CPSF2: variants seen among roughly 807,000 people sequenced by gnomAD.
CPSF2 encodes the protein cleavage and polyadenylation specificity factor subunit 2.
CPSF2 carries 51 observed loss-of-function variants against 84.2 expected under a neutral mutation model. The observed-to-expected ratio is 0.61, with a 90% CI of 0.48 to 0.77. The LOEUF is 0.77. Among genes scored for constraint, CPSF2 ranks in the 30% least tolerant of loss-of-function variants. CPSF2 has a pLI of 0.00. For missense variants in CPSF2, 641 were observed against 929.4 expected (o/e 0.69, Z 4.03); for synonymous variants, 286 against 311.9 (o/e 0.92, Z 0.87).
intron 7 of CPSF2, among the ~76,000 whole-genome samples, chr14:92,138,639 A>G (rs1189474920): frequency 6.6e-6 from 1 of 152,144 alleles, no homozygotes; most frequent in Non-Finnish European, 1.5e-5. Context: ...CATGTTGGCC[A>G]GGCTGGTCTT....
chr14:92,161,560 ATAAAG>A (rs2069372352), intron 15 of CPSF2, 87 bp from the exon 16 acceptor site: 2 of 863,834 alleles, frequency 2.3e-6, no homozygotes, highest in South Asian at 2.0e-5. Flanking sequence ...CTGACCAATC[ATAAAG>A]TAATCTATTT....
At chr14:92,134,955 G>A (rs1595053751) in intron 5 of CPSF2, among the ~76,000 whole-genome samples, 5 of 152,268 alleles carry the variant, frequency 3.3e-5, no homozygotes, top group Admixed American at 3.3e-4. Context: ...TTTTCTGCAG[G>A]ATAAATTCTT....
In CPSF2 at chr14:92,159,106, G is replaced by A; in HGVS notation, c.1945G>A (p.Glu649Lys). ...VSKVDTGVILEEGELKDDGED... is the reference protein window; with the variant it reads ...VSKVDTGVILKEGELKDDGED... ...CAAAGTGGACACAGGGGTTATTTTA[G>A]AAGAAGGAGAACTAAAGGATGATGG... The change falls in exon 14 of 16, where the codon GAA (glutamate) becomes AAA (lysine). Residue 649 changes from glutamate (E) to lysine (K), a missense_variant. By Grantham distance (56) the Glu-to-Lys change is moderately conservative. Transcript: ENST00000298875. The A allele has an allele frequency of 6.2e-7, 1 of 1,614,078 alleles. No individual in the cohort carries two copies. The highest frequency in any genetic ancestry group is 8.5e-7 in the Non-Finnish European group (1 of 1,180,002).
chr14:92,159,627 C>T (rs1406067328), intron 14 of CPSF2, among the ~76,000 whole-genome samples: 1 of 152,150 alleles, frequency 6.6e-6, no homozygotes, highest in African/African-American at 2.4e-5. Flanking sequence ...TTCGAGACTA[C>T]AGTGAGCCAC....
intron 1 of CPSF2, among the ~76,000 whole-genome samples, chr14:92,123,707 GATT>G (rs1313120391): frequency 1.3e-5 from 2 of 152,202 alleles, no homozygotes; most frequent in African/African-American, 2.4e-5. Flanking sequence ...CAACATGCAC[GATT>G]ATTATTAAGA....
At chr14:92,134,528 T>C in intron 5 of CPSF2, among the ~76,000 whole-genome samples, 173 bp downstream of exon 5, 1 of 152,208 alleles carries the variant, frequency 6.6e-6, no homozygotes, top group East Asian at 1.9e-4. Context: ...TTAAAATATT[T>C]CAGAAAAAAT....
intron 10 of CPSF2, among the ~76,000 whole-genome samples, chr14:92,154,768 A>G (rs1595064978): frequency 6.6e-6 from 1 of 152,340 alleles, no homozygotes; most frequent in African/African-American, 2.4e-5. Flanking sequence ...ATTAGGATAT[A>G]TGTTTACACA....
intron 6 of CPSF2, 143 bp downstream of exon 6, chr14:92,135,639 A>C (rs747388084): frequency 1.2e-5 from 9 of 758,530 alleles, no homozygotes; most frequent in Non-Finnish European, 1.7e-5. Flanking sequence ...TGTTTTCAAA[A>C]TTAATTATTT....
intron 9 of CPSF2, among the ~76,000 whole-genome samples, chr14:92,150,960 G>A (rs1250546615): frequency 6.6e-6 from 1 of 152,104 alleles, no homozygotes; most frequent in Admixed American, 6.6e-5. Flanking sequence ...TGATAAGATT[G>A]GTGGTGATAT....
chr14:92,139,327 G>A (rs1049752846), intron 7 of CPSF2, among the ~76,000 whole-genome samples: 4 of 151,878 alleles, frequency 2.6e-5, no homozygotes, highest in Admixed American at 2.6e-4. Flanking sequence ...TGAGGCAGGA[G>A]AATGGCGTAA....
intron 14 of CPSF2, among the ~76,000 whole-genome samples, chr14:92,160,717 G>A (rs1362458416): frequency 6.6e-6 from 1 of 152,166 alleles, no homozygotes; most frequent in African/African-American, 2.4e-5. Flanking sequence ...ATGGGATTGG[G>A]GAGGAAACGT....
At position 92,131,039 on chromosome 14, in the gene CPSF2, C is replaced by G; in HGVS notation, c.55C>G (p.Leu19Val). 6.2e-7 allele frequency: 1 copy of G among 1,612,852 alleles called. No individual in the cohort carries two copies. Among genetic ancestry groups the G allele is most frequent in the Non-Finnish European group, 8.5e-7 (1 of 1,179,432 alleles). The part of the protein sequence containing the change: ...TLSGVQEESA[L>V]CYLLQVDEFR... ...TTCTGGGGTCCAAGAAGAATCTGCCCTTTGCTATCTTCTCCAAGTTGATGA... is the reference window on the plus strand; with the variant it reads ...TTCTGGGGTCCAAGAAGAATCTGCCGTTTGCTATCTTCTCCAAGTTGATGA... The change falls in exon 3 of 16, where the codon CTT becomes GTT. Residue 19 changes from leucine to valine, a missense_variant. This residue lies in a region of CPSF2 where 211 missense variants were observed against 375.7 expected (regional missense o/e 0.56). Coordinates refer to ENST00000298875, the MANE Select transcript of CPSF2 (RefSeq NM_017437.3).
chr14:92,152,216 G>C (rs1373911641), intron 9 of CPSF2, among the ~76,000 whole-genome samples: 3 of 151,828 alleles, frequency 2.0e-5, no homozygotes. Context: ...TGCAACCTCC[G>C]CCTCCCAGGT....
intron 11 of CPSF2, among the ~76,000 whole-genome samples, chr14:92,156,248 A>T (rs907663480): frequency 1.3e-5 from 2 of 152,194 alleles, no homozygotes; most frequent in Non-Finnish European, 2.9e-5. Flanking sequence ...AGATGGCGCC[A>T]CCACACTCCA....
chr14:92,146,522 A>G (rs893457380), intron 9 of CPSF2, among the ~76,000 whole-genome samples: 2 of 151,568 alleles, frequency 1.3e-5, no homozygotes, highest in Admixed American at 1.3e-4. Flanking sequence ...CTCCATCTCA[A>G]AAAACAAACA....
chr14:92,167,897 T>TG lies in CPSF2; in HGVS notation c.*6153_*6154insG, dbSNP rs1369283325. ...GATTGAGAGGTTAATTGCAGGTTTT[T>TG]TTTTTTTTTTTTTCTGGTAACCATA... is the stretch of plus-strand genomic sequence containing the variant. On this transcript the variant is annotated 3_prime_UTR_variant, in exon 16 of 16. Transcript: ENST00000298875. 1 of 151,362 alleles carries TG rather than the reference T, an allele frequency of 6.6e-6. No homozygotes were observed. The highest frequency in any genetic ancestry group is 1.5e-5 in the Non-Finnish European group (1 of 67,862). 9.4% of individuals were successfully genotyped at this position (151,362 alleles called of 1,614,324 possible). A position where few individuals can be genotyped will look rare whatever the true frequency, so the allele number is the denominator to read the frequency against.
chr14:92,139,631 C>T (rs1345067995), intron 7 of CPSF2, among the ~76,000 whole-genome samples: 3 of 150,670 alleles, frequency 2.0e-5, no homozygotes, highest in East Asian at 2.0e-4. Flanking sequence ...CTTCACTTCC[C>T]GGGTTGAAGT....
intron 14 of CPSF2, among the ~76,000 whole-genome samples, chr14:92,160,525 A>T (rs575133346): frequency 6.6e-6 from 1 of 152,220 alleles, no homozygotes; most frequent in Non-Finnish European, 1.5e-5. Flanking sequence ...ATTCCCTTCT[A>T]GTACAACCCT....
At position 92,127,301 on chromosome 14, in the gene CPSF2, A is replaced by G. The variant is rs73330025; in HGVS notation, c.-35+1121A>G. 3.4e-3 allele frequency among the ~76,000 whole-genome samples: 512 copies of G among 152,338 alleles called. 1 individual carries two copies. Among genetic ancestry groups the G allele is most frequent in the African/African-American group, 0.012 (488 of 41,586 alleles). ...GGTCAGAGAATGACTACCTCTGAGA[A>G]TGACTCAGAATAAATTAGAGACAGG... On this transcript the variant is annotated intron_variant, in intron 2 of 15. Transcript: ENST00000298875.
Sources: allele counts gnomAD v4.1 joint callset (sites outside exome capture counted in the v4.1 genomes callset), GRCh38; gene constraint gnomAD v4.1.1; regional missense constraint gnomAD v4.1.1; transcripts MANE v1.5; gene names NCBI Gene and HGNC (gene_info 2026-07-23, HGNC 2026-07-21).